Variants in FKBP15 observed in about 807,000 individuals in gnomAD.
The protein encoded by FKBP15 is FKBP prolyl isomerase family member 15.
In FKBP15, 106 loss-of-function variants were observed where a neutral mutation model predicts 158.1. The ratio of observed to expected loss-of-function variants is 0.67; its 90% CI spans 0.57 to 0.79. The LOEUF (loss-of-function observed/expected upper bound fraction) is 0.79. FKBP15 is among the 30% of genes least tolerant of loss of function. The probability of loss-of-function intolerance (pLI) is 0.00; values close to 1 mark genes in which losing one functional copy is unlikely to be tolerated. For synonymous variants in FKBP15, 547 were observed against 548.6 expected (o/e 1.00, Z 0.04); for missense variants, 1,287 against 1,479.1 (o/e 0.87, Z 2.13).
chr9:113,181,572 T>C (rs1375952022), intron 19 of FKBP15, among the ~76,000 whole-genome samples: 1 of 152,160 alleles, frequency 6.6e-6, no homozygotes, highest in Non-Finnish European at 1.5e-5. Context: ...CTCTGGAGGT[T>C]CGGGATTTAA....
chr9:113,195,707 G>A (rs1830664458), intron 9 of FKBP15, among the ~76,000 whole-genome samples: 1 of 152,124 alleles, frequency 6.6e-6, no homozygotes, highest in South Asian at 2.1e-4. Flanking sequence ...TATCACATTT[G>A]AACCTAACAA....
At chr9:113,213,195 G>C (rs1457103372) in intron 1 of FKBP15, among the ~76,000 whole-genome samples, 1 of 152,112 alleles carries the variant, frequency 6.6e-6, no homozygotes, top group Non-Finnish European at 1.5e-5. Flanking sequence ...GATCACTTGA[G>C]GTCAGGCGTT....
rs377021076 is a variant in FKBP15 at position 113,161,688 on chromosome 9, A to G, written c.*4390T>C. The G allele has an allele frequency of 8.7e-6, 14 of 1,613,946 alleles. No homozygotes were observed. The African/African-American group carries it at 1.9e-4, about 22-fold the overall frequency. ...CTCAGATTCATTCCCTGTTGGCAGA[A>G]CCCACCACAGGTACAGGCAGTGGGT... On this transcript the variant is annotated 3_prime_UTR_variant, in exon 28 of 28. Coordinates refer to ENST00000238256, the MANE Select transcript of FKBP15 (RefSeq NM_015258.2).
At chr9:113,182,452 A>G (rs1408127640) in intron 19 of FKBP15, among the ~76,000 whole-genome samples, 1 of 152,216 alleles carries the variant, frequency 6.6e-6, no homozygotes, top group Non-Finnish European at 1.5e-5. Flanking sequence ...GAACCTACAC[A>G]TCTGTTACCT....
Position 113,182,866 on chromosome 9 carries a change from T to C in FKBP15, c.1814A>G (p.Tyr605Cys), listed in dbSNP as rs1256362862. ...CATCATCAGGTTACTCTGCTCAACA[T>C]ACCTGTGAAAGAAATAGAGAAAAAG... ...ISELIERNQR[Y>C]VEQSNLMMEK... The change falls in exon 19 of 28, where the codon TAT (tyrosine) becomes TGT (cysteine). Residue 605 changes from tyrosine to cysteine, a missense_variant and splice_region_variant. By Grantham distance (194) the Tyr-to-Cys change is radical (BLOSUM62 -2). Transcript: ENST00000238256. 25 of 1,612,704 alleles carry C rather than the reference T, an allele frequency of 1.6e-5. No homozygotes were observed. Among genetic ancestry groups the C allele is most frequent in the Non-Finnish European group, 2.0e-5 (24 of 1,178,778 alleles).
intron 14 of FKBP15, chr9:113,186,618 C>A: frequency 2.6e-6 from 1 of 391,544 alleles, no homozygotes. Context: ...ACTACCCAGT[C>A]ATCTGGTGAG....
At position 113,176,523 on chromosome 9, in the gene FKBP15, G is replaced by A. The variant is rs541260530; in HGVS notation, c.2223+14C>T. The A allele has an allele frequency of 4.5e-6, 7 of 1,552,038 alleles. No homozygotes were observed. Among genetic ancestry groups the A allele is most frequent in the African/African-American group, 4.1e-5 (3 of 73,166 alleles). On this transcript the variant is annotated intron_variant, in intron 21 of 27. Coordinates refer to ENST00000238256, the MANE Select transcript of FKBP15 (RefSeq NM_015258.2). ...TAAACAGCTAATTCTGGCCAACTGGGTTGTAGAGCTTACCTTTTCCAAGGA... is the reference window on the plus strand; with the variant it reads ...TAAACAGCTAATTCTGGCCAACTGGATTGTAGAGCTTACCTTTTCCAAGGA...
Position 113,199,911 on chromosome 9 carries a change from T to C in FKBP15, c.551A>G (p.Gln184Arg). The change falls in exon 7 of 28, where the codon CAG (glutamine) becomes CGG (arginine). Residue 184 changes from glutamine to arginine, a missense_variant. Gln to Arg is a conservative substitution (Grantham distance 43, BLOSUM62 1). Transcript: ENST00000238256. ...AGGGCCGTCTGCCACAATGAGGTCC[T>C]GGGAGAGCACTGCATCCAGGGAAGA... ...STSSLDAVLS[Q>R]DLIVADGPAV... The C allele has an allele frequency of 5.0e-6, 8 of 1,613,476 alleles. No individual in the cohort carries two copies. The highest frequency in any genetic ancestry group is 6.8e-6 in the Non-Finnish European group (8 of 1,179,730).
chr9:113,191,111 C>T (rs1044447773), intron 11 of FKBP15, among the ~76,000 whole-genome samples: 2 of 152,190 alleles, frequency 1.3e-5, no homozygotes, highest in African/African-American at 4.8e-5. Flanking sequence ...AGTAAGTACA[C>T]CTGAAGGTGC....
At chr9:113,206,915 C>T (rs4455930) in intron 3 of FKBP15, 277,212 of 417,634 alleles carry the variant, frequency 0.66, 93,712 homozygotes, top group African/African-American at 0.75. Flanking sequence ...ATATACTATT[C>T]CCTTACTCTT....
intron 18 of FKBP15, 59 bp from the exon 19 acceptor site, chr9:113,182,927 C>T (rs1830425601): frequency 2.3e-6 from 3 of 1,322,274 alleles, no homozygotes; most frequent in East Asian, 2.3e-5. Context: ...ATGGCAGGCA[C>T]AACCCAATGC....
rs1830005081 is a variant in FKBP15, at chr9:113,161,108, TCC to T, written c.*4968_*4969del. 6.1e-6 allele frequency: 1 copy of T among 163,704 alleles called. No individual in the cohort carries two copies. Among genetic ancestry groups the T allele is most frequent in the African/African-American group, 2.4e-5 (1 of 41,696 alleles). 10.1% of individuals were successfully genotyped at this position (163,704 alleles called of 1,614,324 possible). ...GGCAAGAACATAAAAACCACCTGTA[TCC>T]TACTTTGCTGAGATAACTATTACTC... is the stretch of plus-strand genomic sequence containing the variant. On this transcript the variant is annotated 3_prime_UTR_variant, in exon 28 of 28. Transcript: ENST00000238256.
chr9:113,169,959 G>C lies in FKBP15; in HGVS notation c.2767-17C>G. ...AGTCACCATCTATTCAAAAGCCAAG[G>C]AAGAGATGGTCACTGAAAGGAACAC... On this transcript the variant is annotated splice_polypyrimidine_tract_variant and intron_variant, in intron 25 of 27. Coordinates refer to ENST00000238256, the MANE Select transcript of FKBP15 (RefSeq NM_015258.2). 1 of 1,522,494 alleles carries C rather than the reference G, an allele frequency of 6.6e-7. No homozygotes were observed. The highest frequency in any genetic ancestry group is 8.8e-7 in the Non-Finnish European group (1 of 1,137,864). The allele number at this position is 1,522,494 out of a possible 1,614,324, so 94.3% of individuals were successfully genotyped here.
intron 20 of FKBP15, among the ~76,000 whole-genome samples, chr9:113,177,103 T>C (rs1193084798): frequency 6.6e-6 from 1 of 152,318 alleles, no homozygotes; most frequent in South Asian, 2.1e-4. Flanking sequence ...CTTCTCCACA[T>C]ACGAAATGGA....
intron 9 of FKBP15, among the ~76,000 whole-genome samples, chr9:113,194,919 A>G (rs74933947): frequency 0.016 from 2,404 of 152,308 alleles, 73 homozygotes; most frequent in African/African-American, 0.055. Context: ...GCTTATTTCT[A>G]TCATAAACAA....
chr9:113,213,582 C>CAAAAA (rs34466143), intron 1 of FKBP15, among the ~76,000 whole-genome samples: 1 of 140,434 alleles, frequency 7.1e-6, no homozygotes, highest in Non-Finnish European at 1.6e-5. Context: ...TCCCCCGAAC[C>CAAAAA]AAAAAAAAAA....
At chr9:113,197,129 A>G in intron 8 of FKBP15, 51 bp from the exon 9 acceptor site, 5 of 1,595,810 alleles carry the variant, frequency 3.1e-6, no homozygotes, top group Non-Finnish European at 4.3e-6. Flanking sequence ...TCCTCAGAAG[A>G]CAAAGTGAAG....
In FKBP15 at chr9:113,184,521, A is replaced by AAC; in HGVS notation, c.1609-123_1609-122insGT. ...GTTCCTGGGACAATCTCTAACTGTT[A>AAC]AGTTAGAGTTTTCTCCTACTAACTG... On this transcript the variant is annotated intron_variant, in intron 16 of 27. Transcript: ENST00000238256. The surrounding 1 kb of genome is among the most constrained non-coding windows in gnomAD (Gnocchi z 4.5). 1.1e-6 allele frequency: 1 copy of AAC among 931,576 alleles called. No individual in the cohort carries two copies. Among genetic ancestry groups the AAC allele is most frequent in the Non-Finnish European group, 1.7e-6 (1 of 597,324 alleles). The allele number at this position is 931,576 out of a possible 1,614,324, so 57.7% of individuals were successfully genotyped here. A position where few individuals can be genotyped will look rare whatever the true frequency, so the allele number is the denominator to read the frequency against.
In FKBP15 at chr9:113,186,344, G is replaced by A. The variant is rs1021283286; in HGVS notation, c.1403C>T (p.Ala468Val). The change falls in exon 15 of 28, where the codon GCC becomes GTC. Residue 468 changes from alanine (A) to valine (V), a missense_variant. Physicochemically the swap from Ala to Val is moderately conservative, Grantham distance 64. Coordinates refer to ENST00000238256, the MANE Select transcript of FKBP15 (RefSeq NM_015258.2). Reference protein sequence around the residue: ...QSFQPYAGMQAYAYPQASAVT... With the variant: ...QSFQPYAGMQVYAYPQASAVT... ...GGCAGATGCCTGGGGATAAGCGTAG[G>A]CTTGCATACCTGCATAGGGCTGAGA... 4 of 1,564,324 alleles carry A rather than the reference G, an allele frequency of 2.6e-6. No individual in the cohort carries two copies. The highest frequency in any genetic ancestry group is 1.7e-4 in the Middle Eastern group (1 of 6,032).
Sources: gnomAD v4.1 joint callset for allele counts (sites outside exome capture counted in the v4.1 genomes callset) on GRCh38, gnomAD v4.1.1 for gene constraint, Gnocchi (gnomAD v3.1) non-coding constraint, MANE v1.5 for transcripts, NCBI Gene and HGNC (gene_info 2026-07-23, HGNC 2026-07-21) for gene names.